VAV2: variants seen among roughly 807,000 people sequenced by gnomAD.
VAV2 encodes vav guanine nucleotide exchange factor 2, also known as guanine nucleotide exchange factor VAV2.
A neutral mutation model predicts 132.5 loss-of-function variants in VAV2; 67 were observed. That is an observed-to-expected ratio of 0.51 (90% confidence interval 0.42 to 0.62). The LOEUF (loss-of-function observed/expected upper bound fraction) is 0.62, where lower values mean the gene tolerates loss of function less well. Among genes scored for constraint, VAV2 ranks in the 20% least tolerant of loss-of-function variants. The pLI, the probability that VAV2 is intolerant of heterozygous loss-of-function variation, is 0.00. For synonymous variants in VAV2, 492 were observed against 443.5 expected (o/e 1.11, Z -1.37); for missense variants, 938 against 1,153.6 (o/e 0.81, Z 2.71).
At chr9:133,988,117 G>C (rs1386012127) in intron 1 of VAV2, among the ~76,000 whole-genome samples, 1 of 152,214 alleles carries the variant, frequency 6.6e-6, no homozygotes, top group African/African-American at 2.4e-5. Context: ...ACATCATAGA[G>C]GCCTCCGGGC....
intron 2 of VAV2, among the ~76,000 whole-genome samples, chr9:133,870,108 G>A (rs1837969693): frequency 6.6e-6 from 1 of 152,022 alleles, no homozygotes; most frequent in African/African-American, 2.4e-5. Flanking sequence ...CAAAACATGT[G>A]CAATCACAGC....
Position 133,992,206 on chromosome 9 carries a change from A to G in VAV2, c.73T>C (p.Trp25Arg). 1 of 1,597,064 alleles carries G rather than the reference A, an allele frequency of 6.3e-7. No homozygotes were observed. Among genetic ancestry groups the G allele is most frequent in the Non-Finnish European group, 8.5e-7 (1 of 1,172,142 alleles). ...KVLPPNHRVV[W>R]PSAVVFDLAQ... ...AGGTCGAAGACCACGGCCGAGGGCC[A>G]CACCACCCGGTGGTTGGGCGGCAGG... The change falls in exon 1 of 30, where the codon TGG becomes CGG. Residue 25 changes from tryptophan to arginine, a missense_variant. Trp to Arg is a moderately radical substitution (Grantham distance 101). Transcript: ENST00000371850. The surrounding 1 kb of genome is among the most constrained non-coding windows in gnomAD (Gnocchi z 5.5).
At chr9:133,854,719 GTTT>G (rs1837321452) in intron 3 of VAV2, among the ~76,000 whole-genome samples, 2 of 152,218 alleles carry the variant, frequency 1.3e-5, no homozygotes, top group African/African-American at 4.8e-5. Context: ...CCAGGAAGGA[GTTT>G]AATGTCTTCC....
intron 1 of VAV2, among the ~76,000 whole-genome samples, chr9:133,989,993 G>A (rs559878556): frequency 6.6e-6 from 1 of 152,364 alleles, no homozygotes; most frequent in South Asian, 2.1e-4. Context: ...TGGGCACTGT[G>A]CGAAGGGTGT....
intron 2 of VAV2, among the ~76,000 whole-genome samples, chr9:133,894,242 G>C (rs1450329222): frequency 6.6e-6 from 1 of 152,262 alleles, no homozygotes; most frequent in Admixed American, 6.5e-5. Context: ...TCCCAAGGAT[G>C]GGGGAGCCGG....
chr9:133,947,219 G>A (rs892154218), intron 1 of VAV2, among the ~76,000 whole-genome samples: 1 of 152,154 alleles, frequency 6.6e-6, no homozygotes, highest in African/African-American at 2.4e-5. Flanking sequence ...GTGAAAGGTA[G>A]GGTCTGGCCT....
chr9:133,836,056 C>T (rs1326772907), intron 3 of VAV2, among the ~76,000 whole-genome samples: 1 of 152,226 alleles, frequency 6.6e-6, no homozygotes, highest in African/African-American at 2.4e-5. Context: ...ACGACATCCT[C>T]ACCATCAGGG....
intron 2 of VAV2, among the ~76,000 whole-genome samples, chr9:133,873,210 C>T (rs1416262888): frequency 6.6e-6 from 1 of 152,126 alleles, no homozygotes; most frequent in East Asian, 1.9e-4. Flanking sequence ...GTGAGGGAAG[C>T]TGCAATTTAA....
intron 2 of VAV2, among the ~76,000 whole-genome samples, chr9:133,931,031 A>G (rs1242419164): frequency 6.6e-6 from 1 of 152,242 alleles, no homozygotes. Context: ...TCCTCTGGGA[A>G]GGTTCATTCC....
rs995449573 is a variant in VAV2 at position 133,912,030 on chromosome 9, C to T, written c.321+27073G>A. Among the ~76,000 whole-genome samples the T allele has an allele frequency of 1.3e-5, 2 of 152,196 alleles. No individual in the cohort carries two copies. Among genetic ancestry groups the T allele is most frequent in the African/African-American group, 2.4e-5 (1 of 41,440 alleles). ...TGCTGGATTGCTGCACAGAGCATCC[C>T]ATCACCTAGGTATTAGGCCTGGCAT... On this transcript the variant is annotated intron_variant, in intron 2 of 29. Coordinates refer to ENST00000371850, the MANE Select transcript of VAV2 (RefSeq NM_001134398.2). The surrounding 1 kb of genome is among the most constrained non-coding windows in gnomAD (Gnocchi z 4.3).
chr9:133,895,201 G>T (rs1051097049), intron 2 of VAV2, among the ~76,000 whole-genome samples: 1 of 152,180 alleles, frequency 6.6e-6, no homozygotes, highest in East Asian at 1.9e-4. Context: ...GGAATCAAGG[G>T]CTGGGCTCTA....
intron 1 of VAV2, among the ~76,000 whole-genome samples, chr9:133,966,580 C>T (rs1391527200): frequency 1.3e-5 from 2 of 152,164 alleles, no homozygotes; most frequent in Non-Finnish European, 2.9e-5. Flanking sequence ...GTGGCACGCA[C>T]CTATTGTCCC....
At chr9:133,780,062 G>A (rs750039360) in intron 20 of VAV2, 123 bp from the exon 21 acceptor site, 51 of 1,352,410 alleles carry the variant, frequency 3.8e-5, no homozygotes, top group Non-Finnish European at 2.4e-5. Flanking sequence ...CAAGGCAGGA[G>A]CAGGGGAGGA....
chr9:133,776,579 G>A (rs148246635), intron 23 of VAV2, among the ~76,000 whole-genome samples: 13 of 152,222 alleles, frequency 8.5e-5, no homozygotes, highest in African/African-American at 2.4e-4. Context: ...CTCTTCCCTC[G>A]CACCCTATTC....
intron 10 of VAV2, 136 bp from the exon 11 acceptor site, chr9:133,796,660 C>T: frequency 2.8e-6 from 2 of 716,612 alleles, no homozygotes; most frequent in South Asian, 3.7e-5. Flanking sequence ...TCTAGCCAGG[C>T]TCCCGGAACC....
intron 3 of VAV2, among the ~76,000 whole-genome samples, chr9:133,856,764 C>A (rs1278004921): frequency 6.6e-6 from 1 of 152,226 alleles, no homozygotes; most frequent in East Asian, 1.9e-4. Context: ...TCCGAAGCTG[C>A]CTGCATTCCT....
At chr9:133,813,309 C>G (rs575211584) in intron 4 of VAV2, among the ~76,000 whole-genome samples, 1 of 152,234 alleles carries the variant, frequency 6.6e-6, no homozygotes, top group African/African-American at 2.4e-5. Flanking sequence ...ATGGCCAGCA[C>G]GCAGGGAGGC....
rs930170786 is a variant in VAV2 at position 133,834,643 on chromosome 9, G to C, written c.381-303C>G. Among the ~76,000 whole-genome samples the C allele has an allele frequency of 6.6e-6, 1 of 152,246 alleles. No individual in the cohort carries two copies. The highest frequency in any genetic ancestry group is 6.5e-5 in the Admixed American group (1 of 15,292). On this transcript the variant is annotated intron_variant, in intron 3 of 29. Coordinates refer to ENST00000371850, the MANE Select transcript of VAV2 (RefSeq NM_001134398.2). This position sits in a 1 kb window ranked among gnomAD's most constrained non-coding sequence, Gnocchi z 5.9. ...GGCCCAGGTCAGGGCTGCAGAAAGC[G>C]TTCATCTGCTGGGCGACCTGCCTTC...
chr9:133,771,277 T>G (rs1833616877), intron 26 of VAV2, among the ~76,000 whole-genome samples: 1 of 152,058 alleles, frequency 6.6e-6, no homozygotes, highest in Admixed American at 6.5e-5. Context: ...TTGGCCAGGC[T>G]GGTCTCGAAC....
Sources: gnomAD v4.1 joint callset for allele counts (sites outside exome capture counted in the v4.1 genomes callset) on GRCh38, gnomAD v4.1.1 for gene constraint, Gnocchi (gnomAD v3.1) non-coding constraint, MANE v1.5 for transcripts, NCBI Gene and HGNC (gene_info 2026-07-23, HGNC 2026-07-21) for gene names.